The following NPAS3 variants were observed in gnomAD, a reference collection of about 807,000 sequenced individuals.
NPAS3 encodes the protein neuronal PAS domain protein 3.
NPAS3 carries 14 observed loss-of-function variants against 73.1 expected under a neutral mutation model. The ratio of observed to expected loss-of-function variants is 0.19; its 90% CI spans 0.13 to 0.30. NPAS3 has a LOEUF of 0.30. Among genes scored for constraint, NPAS3 ranks in the 10% least tolerant of loss-of-function variants. The pLI, the probability that NPAS3 is intolerant of heterozygous loss-of-function variation, is 1.00. For synonymous variants in NPAS3, 620 were observed against 541.5 expected (o/e 1.14, Z -2.01); for missense variants, 1,096 against 1,250.0 (o/e 0.88, Z 1.86).
intron 3 of NPAS3, among the ~76,000 whole-genome samples, chr14:33,304,136 T>A (rs951980468): frequency 1.3e-5 from 2 of 152,220 alleles, no homozygotes; most frequent in African/African-American, 4.8e-5. Flanking sequence ...TTTTTATTAA[T>A]GATTCATCTT....
intron 2 of NPAS3, among the ~76,000 whole-genome samples, chr14:33,159,869 T>C (rs937395704): frequency 2.6e-5 from 4 of 152,190 alleles, no homozygotes; most frequent in African/African-American, 7.2e-5. Flanking sequence ...AAGCTTTTAC[T>C]AGTTTACTAT....
chr14:33,212,779 A>G (rs569477428), intron 2 of NPAS3, among the ~76,000 whole-genome samples: 1 of 152,330 alleles, frequency 6.6e-6, no homozygotes, highest in South Asian at 2.1e-4. Context: ...CCTGATATAA[A>G]TATTACGGTA....
intron 5 of NPAS3, among the ~76,000 whole-genome samples, chr14:33,562,489 G>A (rs1460042787): frequency 6.6e-6 from 1 of 152,176 alleles, no homozygotes; most frequent in African/African-American, 2.4e-5. Context: ...TAGGAGACAT[G>A]GGCCTTCATT....
At chr14:33,790,772 G>A (rs1404242933) in intron 9 of NPAS3, among the ~76,000 whole-genome samples, 1 of 152,130 alleles carries the variant, frequency 6.6e-6, no homozygotes, top group Non-Finnish European at 1.5e-5. Context: ...AGGCTCAAGC[G>A]ATTTTTGTGC....
intron 3 of NPAS3, among the ~76,000 whole-genome samples, chr14:33,225,552 T>C (rs78214210): frequency 0.025 from 3,786 of 152,306 alleles, 144 homozygotes; most frequent in African/African-American, 0.085. Flanking sequence ...CCTACTTTTA[T>C]AGTGCAAAAG....
chr14:33,217,673 A>G (rs955765987), intron 3 of NPAS3, among the ~76,000 whole-genome samples: 1 of 152,110 alleles, frequency 6.6e-6, no homozygotes, highest in Admixed American at 6.5e-5. Flanking sequence ...GAAAAATGTG[A>G]TGGTTCTGTT....
At chr14:32,935,354 CAGCCGG>C (rs1397501741), upstream of NPAS3, among the ~76,000 whole-genome samples, 2 of 152,194 alleles carry the variant, frequency 1.3e-5, no homozygotes, top group African/African-American at 4.8e-5. Flanking sequence ...CTCAATGCCT[CAGCCGG>C]ATGCGGACCC....
chr14:33,294,647 A>G (rs950127076), intron 3 of NPAS3, among the ~76,000 whole-genome samples: 1 of 152,214 alleles, frequency 6.6e-6, no homozygotes, highest in Non-Finnish European at 1.5e-5. Context: ...GATGATTTAA[A>G]TAAACTATTT....
intron 5 of NPAS3, among the ~76,000 whole-genome samples, chr14:33,661,974 T>C (rs1430725259): frequency 6.6e-6 from 1 of 152,142 alleles, no homozygotes; most frequent in Non-Finnish European, 1.5e-5. Context: ...AACTGGAAGG[T>C]TTTGATAACC....
At chr14:33,507,643 C>G (rs953671249) in intron 4 of NPAS3, among the ~76,000 whole-genome samples, 1 of 152,026 alleles carries the variant, frequency 6.6e-6, no homozygotes, top group African/African-American at 2.4e-5. Flanking sequence ...CTCCCTCATT[C>G]TGAAATGTGC....
intron 5 of NPAS3, among the ~76,000 whole-genome samples, chr14:33,644,233 A>G (rs2058757861): frequency 6.6e-6 from 1 of 152,256 alleles, no homozygotes; most frequent in African/African-American, 2.4e-5. Flanking sequence ...CTCCTTGAAT[A>G]TTGACTAAAA....
intron 2 of NPAS3, among the ~76,000 whole-genome samples, chr14:33,111,582 G>A (rs2042893627): frequency 1.3e-5 from 2 of 151,422 alleles, no homozygotes; most frequent in African/African-American, 4.9e-5. Context: ...AAAGAGATGT[G>A]TTAGTTTGAA....
intron 6 of NPAS3, among the ~76,000 whole-genome samples, chr14:33,701,359 A>G (rs770096722): frequency 1.9e-4 from 29 of 152,234 alleles, no homozygotes; most frequent in Non-Finnish European, 3.7e-4. Context: ...TCCTTATTAA[A>G]GCATAGATTG....
At chr14:33,039,837 C>T (rs1400625681) in intron 1 of NPAS3, among the ~76,000 whole-genome samples, 2 of 152,132 alleles carry the variant, frequency 1.3e-5, no homozygotes, top group Non-Finnish European at 2.9e-5. Context: ...GGGAATCAGG[C>T]CTTTAAATTA....
At chr14:33,661,033 G>A (rs1277782176) in intron 5 of NPAS3, among the ~76,000 whole-genome samples, 1 of 148,434 alleles carries the variant, frequency 6.7e-6, no homozygotes, top group East Asian at 2.0e-4. Context: ...ACAATGTGTT[G>A]TTAAATGTGA....
At chr14:33,280,699 G>GA (rs1174320367) in intron 3 of NPAS3, among the ~76,000 whole-genome samples, 5 of 152,116 alleles carry the variant, frequency 3.3e-5, no homozygotes, top group African/African-American at 4.8e-5. Flanking sequence ...GGAAGAAGGG[G>GA]AAAAAACAGG....
At chr14:33,083,326 T>G (rs1265862804) in intron 2 of NPAS3, among the ~76,000 whole-genome samples, 3 of 150,734 alleles carry the variant, frequency 2.0e-5, no homozygotes, top group African/African-American at 7.3e-5. Flanking sequence ...GTTATGTGCC[T>G]AAATCACTGA....
At chr14:33,798,467 G>A (rs1415725326) in intron 11 of NPAS3, among the ~76,000 whole-genome samples, 1 of 152,134 alleles carries the variant, frequency 6.6e-6, no homozygotes, top group Non-Finnish European at 1.5e-5. Context: ...AGTCCAGGCT[G>A]CCAGTCAGGC....
chr14:32,979,384 C>T (rs979115894), intron 1 of NPAS3, among the ~76,000 whole-genome samples: 1 of 152,016 alleles, frequency 6.6e-6, no homozygotes, highest in Admixed American at 6.6e-5. Context: ...ATTCTATGCA[C>T]CACTGAATTA....
Sources: gnomAD v4.1 joint callset for allele counts (sites outside exome capture counted in the v4.1 genomes callset) on GRCh38, gnomAD v4.1.1 for gene constraint, MANE v1.5 for transcripts, NCBI Gene and HGNC (gene_info 2026-07-23, HGNC 2026-07-21) for gene names.